Variants in FAM135A observed in about 807,000 individuals in gnomAD.
FAM135A encodes protein FAM135A.
Under a neutral mutation model 146.8 loss-of-function variants are expected in FAM135A, and 79 were observed. The ratio of observed to expected loss-of-function variants is 0.54; its 90% confidence interval spans 0.45 to 0.65. The LOEUF (loss-of-function observed/expected upper bound fraction) is 0.65, where lower values mean the gene tolerates loss of function less well. FAM135A is among the 30% of genes least tolerant of loss of function. The probability of loss-of-function intolerance (pLI) is 0.00; values close to 1 mark genes in which losing one functional copy is unlikely to be tolerated. For synonymous variants in FAM135A, 562 were observed against 603.6 expected (o/e 0.93, Z 1.01); for missense variants, 1,623 against 1,758.2 (o/e 0.92, Z 1.38).
At chr6:70,512,545 T>A (rs1008981411) in intron 12 of FAM135A, among the ~76,000 whole-genome samples, 1 of 151,864 alleles carries the variant, frequency 6.6e-6, no homozygotes, top group Non-Finnish European at 1.5e-5. Context: ...CTTTAACTAC[T>A]ATAGTAGGGG....
At chr6:70,516,453 G>A (rs17635446) in intron 12 of FAM135A, among the ~76,000 whole-genome samples, 19,757 of 151,094 alleles carry the variant, frequency 0.13, 1,528 homozygotes, top group Middle Eastern at 0.19. Flanking sequence ...TTACCTTCCA[G>A]TAAGGAAACC....
rs747770226 is a variant in FAM135A, at chr6:70,524,867, C to T, written c.1783C>T (p.Pro595Ser). ...GTCTCCAGATATTGAAAATGTTCAA[C>T]CAGACCAGTTTGATCCTTTGAACTC... Reference protein sequence around the residue: ...QKSPDIENVQPDQFDPLNSGN... With the variant: ...QKSPDIENVQSDQFDPLNSGN... Residue 595 changes from proline (P) to serine (S), a missense_variant, in exon 15 of 22, where the codon CCA (proline) becomes TCA (serine). By Grantham distance (74) the Pro-to-Ser change is moderately conservative. Around this residue, in one of 7 missense-constraint regions of FAM135A, gnomAD observed 1,061 missense variants for 1,113.8 expected, o/e 0.95. Coordinates refer to ENST00000418814, the MANE Select transcript of FAM135A (RefSeq NM_001162529.3). 2.5e-6 allele frequency: 4 copies of T among 1,609,058 alleles called. No individual in the cohort carries two copies. Among genetic ancestry groups the T allele is most frequent in the Non-Finnish European group, 3.4e-6 (4 of 1,177,416 alleles).
chr6:70,475,359 T>C, intron 5 of FAM135A, 51 bp from the exon 6 acceptor site: 1 of 1,413,052 alleles, frequency 7.1e-7, no homozygotes, highest in Non-Finnish European at 9.5e-7. Flanking sequence ...GTTAATTTGC[T>C]TGTGTTATAT....
intron 11 of FAM135A, among the ~76,000 whole-genome samples, chr6:70,492,656 TA>T (rs368818336): frequency 0.011 from 1,396 of 128,110 alleles, 6 homozygotes; most frequent in African/African-American, 0.019. Context: ...AACACCCTTG[TA>T]AAAAAAAAAA....
chr6:70,485,943 T>G (rs1199951555), intron 10 of FAM135A, among the ~76,000 whole-genome samples: 1 of 152,210 alleles, frequency 6.6e-6, no homozygotes, highest in Non-Finnish European at 1.5e-5. Flanking sequence ...TCTAATTAAT[T>G]AAGACATATT....
At chr6:70,437,700 A>C (rs1459791370) in intron 4 of FAM135A, among the ~76,000 whole-genome samples, 7 of 152,152 alleles carry the variant, frequency 4.6e-5, no homozygotes, top group African/African-American at 1.7e-4. Flanking sequence ...GATGGGAGAG[A>C]GTAAAAATTT....
intron 1 of FAM135A, among the ~76,000 whole-genome samples, chr6:70,414,271 C>G (rs573157183): frequency 6.6e-6 from 1 of 152,192 alleles, no homozygotes; most frequent in African/African-American, 2.4e-5. Flanking sequence ...CATCCACCTC[C>G]TTTCGGTACT....
At chr6:70,416,604 T>C (rs1325754600) in intron 2 of FAM135A, among the ~76,000 whole-genome samples, 3 of 152,130 alleles carry the variant, frequency 2.0e-5, no homozygotes, top group East Asian at 3.9e-4. Flanking sequence ...TTTTCATGAG[T>C]TGTTTGTCAG....
chr6:70,489,537 C>G (rs1023934027), intron 10 of FAM135A, among the ~76,000 whole-genome samples: 1 of 152,056 alleles, frequency 6.6e-6, no homozygotes, highest in Non-Finnish European at 1.5e-5. Context: ...CCAAGAGACA[C>G]GCAGCAAGGG....
chr6:70,538,853 AT>A (rs1797314448), intron 20 of FAM135A, among the ~76,000 whole-genome samples: 1 of 139,422 alleles, frequency 7.2e-6, no homozygotes. Context: ...ATATTATATT[AT>A]ATTATATGGC....
intron 4 of FAM135A, 78 bp downstream of exon 4, chr6:70,428,497 T>C (rs1770721165): frequency 1.1e-6 from 1 of 921,284 alleles, no homozygotes; most frequent in Non-Finnish European, 1.6e-6. Flanking sequence ...CATATTTTTA[T>C]TCCAGCATAT....
intron 10 of FAM135A, among the ~76,000 whole-genome samples, chr6:70,486,914 T>C (rs1287926499): frequency 1.3e-5 from 2 of 149,458 alleles, no homozygotes; most frequent in Non-Finnish European, 3.0e-5. Flanking sequence ...GCAACAAAAG[T>C]GAAACTCTGC....
Position 70,509,817 on chromosome 6 carries a change from A to G in FAM135A, c.1029+7026A>G, listed in dbSNP as rs181235465. Among the ~76,000 whole-genome samples the G allele has an allele frequency of 2.6e-5, 4 of 152,300 alleles. No homozygotes were observed. In the East Asian group the frequency reaches 5.8e-4, roughly 22 times the overall value. On this transcript the variant is annotated intron_variant, in intron 12 of 21. Transcript: ENST00000418814. ...AACCCAGGCAGTAGATGCAGACCTG[A>G]TATTTCCACATTTCATCTCTTTCCC...
Position 70,507,688 on chromosome 6 carries a change from G to C in FAM135A, c.1029+4897G>C, listed in dbSNP as rs558059098. Reference sequence around the variant, plus strand: ...GCAAATTAAGGCATCCAAACTTGTTGAGCTTCTGTAGTCACATGCCGTACA... The same window carrying C: ...GCAAATTAAGGCATCCAAACTTGTTCAGCTTCTGTAGTCACATGCCGTACA... On this transcript the variant is annotated intron_variant, in intron 12 of 21. Transcript: ENST00000418814. Among the ~76,000 whole-genome samples, 4 of 152,070 alleles carry C rather than the reference G, an allele frequency of 2.6e-5. No homozygotes were observed. The South Asian group carries it at 8.3e-4, about 32-fold the overall frequency.
At chr6:70,460,848 CTTTT>C (rs780821553) in intron 5 of FAM135A, among the ~76,000 whole-genome samples, 3 of 134,780 alleles carry the variant, frequency 2.2e-5, no homozygotes, top group African/African-American at 8.6e-5. Context: ...AGATAGCTAT[CTTTT>C]TTTTTTTTTT....
At position 70,474,476 on chromosome 6, in the gene FAM135A, G is replaced by T. The variant is rs367745892; in HGVS notation, c.158-934G>T. ...TCTGCAAGCTACCCACAGCTGTGAA[G>T]AGCTGGCTACAAATCTGGGGGTTCC... is the stretch of plus-strand genomic sequence containing the variant. On this transcript the variant is annotated intron_variant, in intron 5 of 21. Transcript: ENST00000418814. Among the ~76,000 whole-genome samples the T allele has an allele frequency of 2.0e-5, 3 of 152,276 alleles. No individual in the cohort carries two copies. In the East Asian group the frequency reaches 5.8e-4, roughly 29 times the overall value.
Position 70,525,290 on chromosome 6 carries a change from C to T in FAM135A, c.2206C>T (p.Leu736=), listed in dbSNP as rs1794471933. 6.2e-7 allele frequency: 1 copy of T among 1,604,494 alleles called. No homozygotes were observed. The highest frequency in any genetic ancestry group is 1.1e-5 in the South Asian group (1 of 89,004). Residue 736 remains leucine (L), a synonymous_variant, in exon 15 of 22, where the codon CTA becomes TTA. Transcript: ENST00000418814. ...GESLTKLRSN[L]PAPSTKEYHV... is the part of the protein sequence containing the mutation. ...ATCATTAACTAAATTACGAAGTAAT[C>T]TACCTGCCCCTTCTACAAAAGAATA...
intron 5 of FAM135A, among the ~76,000 whole-genome samples, chr6:70,463,916 T>G (rs1194962083): frequency 6.6e-6 from 1 of 152,194 alleles, no homozygotes; most frequent in Non-Finnish European, 1.5e-5. Context: ...GTTTAAGAGA[T>G]AGTGTTAGAT....
intron 4 of FAM135A, among the ~76,000 whole-genome samples, chr6:70,436,851 G>A (rs1377545943): frequency 1.3e-5 from 2 of 151,994 alleles, no homozygotes. Context: ...TAAAGTATAA[G>A]TAAATAGAGG....
Sources: gnomAD v4.1 joint callset for allele counts (sites outside exome capture counted in the v4.1 genomes callset) on GRCh38, gnomAD v4.1.1 for gene constraint, gnomAD v4.1.1 regional missense constraint, MANE v1.5 for transcripts, NCBI Gene and HGNC (gene_info 2026-07-23, HGNC 2026-07-21) for gene names.